FILIP1L: variants seen among roughly 807,000 people sequenced by gnomAD.
FILIP1L encodes the protein filamin A-interacting protein 1-like.
Under a neutral mutation model 96.6 loss-of-function variants are expected in FILIP1L, and 55 were observed. The observed-to-expected ratio is 0.57, with a 90% confidence interval of 0.46 to 0.71. The LOEUF (loss-of-function observed/expected upper bound fraction) is 0.71. Among genes scored for constraint, FILIP1L ranks in the 30% least tolerant of loss-of-function variants. FILIP1L has a pLI of 0.00. For synonymous variants in FILIP1L, 467 were observed against 473.9 expected (o/e 0.99, Z 0.19); for missense variants, 1,304 against 1,321.2 (o/e 0.99, Z 0.20).
chr3:100,013,353 C>G (rs529385423), intron 1 of FILIP1L, among the ~76,000 whole-genome samples: 1 of 152,214 alleles, frequency 6.6e-6, no homozygotes, highest in South Asian at 2.1e-4. Flanking sequence ...AAGCGATTCT[C>G]CTGCCTCAGC....
intron 1 of FILIP1L, among the ~76,000 whole-genome samples, chr3:99,968,278 C>T (rs1415835954): frequency 6.6e-6 from 1 of 152,054 alleles, no homozygotes; most frequent in African/African-American, 2.4e-5. Flanking sequence ...AAAAAAATGG[C>T]AAACTACAGA....
chr3:99,897,048 G>T (rs902607364), intron 4 of FILIP1L, among the ~76,000 whole-genome samples: 3 of 152,062 alleles, frequency 2.0e-5, no homozygotes, highest in Admixed American at 6.5e-5. Context: ...GCATAGAAAT[G>T]ATTGTGATTA....
chr3:99,924,958 A>G (rs1397223951), intron 3 of FILIP1L, among the ~76,000 whole-genome samples: 3 of 152,158 alleles, frequency 2.0e-5, no homozygotes, highest in Non-Finnish European at 2.9e-5. Flanking sequence ...CCCTGTGGGT[A>G]TCAACTGTTT....
intron 1 of FILIP1L, among the ~76,000 whole-genome samples, chr3:100,005,138 TACTC>T (rs1709952380): frequency 1.3e-5 from 2 of 152,218 alleles, no homozygotes; most frequent in African/African-American, 2.4e-5. Context: ...AACCTTATCT[TACTC>T]AAGGAAGTGG....
At chr3:99,932,501 CA>C (rs1303123417) in intron 1 of FILIP1L, among the ~76,000 whole-genome samples, 4 of 151,262 alleles carry the variant, frequency 2.6e-5, no homozygotes, top group Non-Finnish European at 5.9e-5. Context: ...TTTCAGTATT[CA>C]AAAAAATGCT....
chr3:99,946,250 T>C (rs889426163), intron 1 of FILIP1L, among the ~76,000 whole-genome samples: 5 of 152,256 alleles, frequency 3.3e-5, no homozygotes, highest in Admixed American at 2.0e-4. Context: ...TGATAGCTTA[T>C]AAGCTGCTTT....
intron 1 of FILIP1L, among the ~76,000 whole-genome samples, chr3:100,031,333 A>G (rs1359205931): frequency 6.6e-6 from 1 of 152,148 alleles, no homozygotes; most frequent in Non-Finnish European, 1.5e-5. Flanking sequence ...ACTTTCATCT[A>G]GCAGTCCAAT....
At chr3:99,989,112 T>TC (rs1709438899) in intron 1 of FILIP1L, among the ~76,000 whole-genome samples, 1 of 152,224 alleles carries the variant, frequency 6.6e-6, no homozygotes, top group African/African-American at 2.4e-5. Flanking sequence ...TAGGGTGCTT[T>TC]CATATACATT....
At chr3:100,065,987 G>A (rs912058656) in intron 1 of FILIP1L, among the ~76,000 whole-genome samples, 3 of 152,144 alleles carry the variant, frequency 2.0e-5, no homozygotes, top group Admixed American at 6.5e-5. Context: ...CTGGGAATGC[G>A]ACCCAGCAAT....
chr3:99,978,313 G>A (rs1050286583), intron 1 of FILIP1L, among the ~76,000 whole-genome samples: 1 of 151,572 alleles, frequency 6.6e-6, no homozygotes, highest in African/African-American at 2.4e-5. Context: ...AAATCAATAT[G>A]CCAAAGAGAC....
intron 1 of FILIP1L, among the ~76,000 whole-genome samples, chr3:99,966,616 A>G (rs1175792141): frequency 6.6e-6 from 1 of 152,220 alleles, no homozygotes. Context: ...TTCGCTCTGT[A>G]TATACAGTTT....
At chr3:100,080,414 A>G (rs2065914357) in intron 1 of FILIP1L, among the ~76,000 whole-genome samples, 1 of 152,190 alleles carries the variant, frequency 6.6e-6, no homozygotes. Flanking sequence ...GAGCATAACA[A>G]TCACCCAGGG....
At chr3:99,988,259 A>G (rs1709405369) in intron 1 of FILIP1L, among the ~76,000 whole-genome samples, 2 of 149,870 alleles carry the variant, frequency 1.3e-5, no homozygotes, top group South Asian at 4.2e-4. Context: ...GCACTTTGGG[A>G]GGCCTAGGCA....
chr3:100,057,542 C>G (rs2065486210), intron 1 of FILIP1L, among the ~76,000 whole-genome samples: 1 of 152,174 alleles, frequency 6.6e-6, no homozygotes, highest in Non-Finnish European at 1.5e-5. Context: ...TATTAAAGTT[C>G]TCGTGATATG....
At chr3:100,054,009 A>G (rs573949703) in intron 1 of FILIP1L, among the ~76,000 whole-genome samples, 1 of 152,366 alleles carries the variant, frequency 6.6e-6, no homozygotes, top group African/African-American at 2.4e-5. Flanking sequence ...CGGCTTACTT[A>G]AAAGTATGTA....
At chr3:99,830,886 G>A (rs1415659494) in intron 5 of FILIP1L, among the ~76,000 whole-genome samples, 1 of 152,230 alleles carries the variant, frequency 6.6e-6, no homozygotes, top group East Asian at 1.9e-4. Context: ...ATATACAAGA[G>A]TAGTGTCCCA....
At position 99,988,542 on chromosome 3, in the gene FILIP1L, A is replaced by G. The variant is rs192485619; in HGVS notation, c.-10-57512T>C. 8.9e-3 allele frequency among the ~76,000 whole-genome samples: 1,330 copies of G among 149,408 alleles called. 15 individuals are homozygous for G. The highest frequency in any genetic ancestry group is 0.016 in the Non-Finnish European group (1,053 of 67,242). ...AAAAAAAAAAAAAAGAAAGAAAAGG[A>G]AAAAAAAAGAAAGTCTGAAATATAT... On this transcript the variant is annotated intron_variant, in intron 1 of 5. Transcript: ENST00000477258.
chr3:100,109,963 C>T (rs1222791751), intron 1 of FILIP1L: 1 of 139,364 alleles, frequency 7.2e-6, no homozygotes, highest in Non-Finnish European at 1.5e-5. Context: ...TGTACCCATA[C>T]CCACCCTTCA....
chr3:100,040,373 C>T (rs1393259277), intron 1 of FILIP1L: 1 of 152,164 alleles, frequency 6.6e-6, no homozygotes, highest in African/African-American at 2.4e-5. Context: ...GTTCTCTCCC[C>T]GAGAATCATT....
Sources: allele counts gnomAD v4.1 joint callset (sites outside exome capture counted in the v4.1 genomes callset), GRCh38; gene constraint gnomAD v4.1.1; transcripts MANE v1.5; gene names NCBI Gene and HGNC (gene_info 2026-07-23, HGNC 2026-07-21).